Variants in DAPK2 observed in about 807,000 individuals in gnomAD.
The protein encoded by DAPK2 is death associated protein kinase 2.
A neutral mutation model predicts 44.1 loss-of-function variants in DAPK2; 35 were observed. The observed-to-expected ratio is 0.79, with a 90% CI of 0.61 to 1.05. The LOEUF (loss-of-function observed/expected upper bound fraction) is 1.05, where lower values mean the gene tolerates loss of function less well. Among genes scored for constraint, DAPK2 ranks in the 50% least tolerant of loss-of-function variants. DAPK2 has a pLI of 0.00. For synonymous variants in DAPK2, 174 were observed against 182.6 expected, an observed-to-expected ratio of 0.95 and a Z score of 0.38; for missense variants, 453 against 483.2, an observed-to-expected ratio of 0.94 and a Z score of 0.59.
intron 6 of DAPK2, among the ~76,000 whole-genome samples, chr15:63,926,689 G>T (rs2079285371): frequency 6.6e-6 from 1 of 152,280 alleles, no homozygotes; most frequent in East Asian, 1.9e-4. Context: ...TCCTGACTCA[G>T]ATTTCAGTTG....
At chr15:63,967,697 A>G (rs1247331776) in intron 3 of DAPK2, among the ~76,000 whole-genome samples, 3 of 151,772 alleles carry the variant, frequency 2.0e-5, no homozygotes, top group Admixed American at 1.3e-4. Context: ...TCTCAAAAAG[A>G]AAAAAAAATA....
chr15:63,982,828 A>G (rs2140854776), intron 2 of DAPK2, among the ~76,000 whole-genome samples: 1 of 152,298 alleles, frequency 6.6e-6, no homozygotes, highest in African/African-American at 2.4e-5. Flanking sequence ...GGATAATAAG[A>G]GTGTCTGTGT....
Position 63,990,447 on chromosome 15 carries a change from C to T in DAPK2, c.93-6693G>A, listed in dbSNP as rs1006984333. Among the ~76,000 whole-genome samples, 2 of 60,078 alleles carry T rather than the reference C, an allele frequency of 3.3e-5. No individual in the cohort carries two copies. Among genetic ancestry groups the T allele is most frequent in the African/African-American group, 1.0e-4 (2 of 19,444 alleles). The allele number at this position is 60,078 out of a possible 152,430, so 39.4% of individuals were successfully genotyped here. The stretch of plus-strand genomic sequence containing the variant: ...CATCTAGAAAAAGAAAAAGAAAGGT[C>T]CATGGATTGAGTGGGTCTACCTCAT... On this transcript the variant is annotated intron_variant, in intron 1 of 10. Coordinates refer to ENST00000261891, the Ensembl canonical transcript of DAPK2. The surrounding 1 kb of genome is among the most constrained non-coding windows in gnomAD (Gnocchi z 4.3).
intron 1 of DAPK2, among the ~76,000 whole-genome samples, chr15:64,032,953 G>A (rs1467318985): frequency 3.9e-5 from 6 of 152,026 alleles, no homozygotes; most frequent in African/African-American, 7.3e-5. Context: ...GGGCATGATC[G>A]TGCACACCTG....
intron 1 of DAPK2, among the ~76,000 whole-genome samples, chr15:64,005,110 C>A (rs332266): frequency 3.9e-5 from 6 of 152,154 alleles, no homozygotes; most frequent in Middle Eastern, 3.4e-3. Flanking sequence ...CCTCAGGCCC[C>A]CACTTCAGGG....
intron 1 of DAPK2, among the ~76,000 whole-genome samples, chr15:64,032,726 G>A (rs2080051103): frequency 6.6e-6 from 1 of 152,160 alleles, no homozygotes; most frequent in African/African-American, 2.4e-5. Context: ...CAAAACAGGA[G>A]GATTGCTTGA....
intron 1 of DAPK2, among the ~76,000 whole-genome samples, chr15:64,018,684 C>T (rs557219084): frequency 6.5e-4 from 99 of 152,324 alleles, no homozygotes; most frequent in African/African-American, 2.3e-3. Flanking sequence ...GCTAACAAGG[C>T]CAGGATCCTA....
intron 1 of DAPK2, among the ~76,000 whole-genome samples, chr15:64,035,728 C>A (rs1428781679): frequency 6.6e-6 from 1 of 152,234 alleles, no homozygotes; most frequent in African/African-American, 2.4e-5. Context: ...CAATATTTCT[C>A]CAAACACTCC....
intron 1 of DAPK2, among the ~76,000 whole-genome samples, chr15:63,996,534 G>A (rs996657101): frequency 2.0e-5 from 3 of 152,168 alleles, no homozygotes; most frequent in Non-Finnish European, 2.9e-5. Flanking sequence ...GAGGGCATCT[G>A]GCTTTTGATC....
chr15:63,944,189 G>T (rs2077390579), intron 3 of DAPK2, among the ~76,000 whole-genome samples: 2 of 152,156 alleles, frequency 1.3e-5, no homozygotes, highest in Admixed American at 1.3e-4. Flanking sequence ...AGGCTGGAAG[G>T]TGGCCGTGGG....
In DAPK2 at chr15:63,939,652, G is replaced by A. The variant is rs1267667913; in HGVS notation, c.454-291C>T. ...ATCTCCATTCTGTCTCTGAGTGGCA[G>A]ATCCCTTTAATGCAGTGCCTCTGTT... On this transcript the variant is annotated intron_variant, in intron 3 of 10. Transcript: ENST00000261891. The surrounding 1 kb of genome is among the most constrained non-coding windows in gnomAD (Gnocchi z 4.3). Among the ~76,000 whole-genome samples, 1 of 152,206 alleles carries A rather than the reference G, an allele frequency of 6.6e-6. No individual in the cohort carries two copies. Among genetic ancestry groups the A allele is most frequent in the Non-Finnish European group, 1.5e-5 (1 of 68,028 alleles).
In DAPK2 at chr15:63,990,645, G is replaced by A. The variant is rs980819478; in HGVS notation, c.93-6891C>T. ...AATGGGAAGTGTTCCAAAGCAGAGGGTCGCGGAGACTGGCTTCCTCCTCCT... is the reference window on the plus strand; with the variant it reads ...AATGGGAAGTGTTCCAAAGCAGAGGATCGCGGAGACTGGCTTCCTCCTCCT... On this transcript the variant is annotated intron_variant, in intron 1 of 10. Coordinates refer to ENST00000261891, the Ensembl canonical transcript of DAPK2. The surrounding 1 kb of genome is among the most constrained non-coding windows in gnomAD (Gnocchi z 4.3). Among the ~76,000 whole-genome samples, 1 of 152,152 alleles carries A rather than the reference G, an allele frequency of 6.6e-6. No individual in the cohort carries two copies. The highest frequency in any genetic ancestry group is 1.5e-5 in the Non-Finnish European group (1 of 68,014).
intron 2 of DAPK2, 84 bp downstream of exon 3, chr15:63,983,449 C>T: frequency 1.5e-6 from 2 of 1,326,466 alleles, no homozygotes; most frequent in South Asian, 2.5e-5. Flanking sequence ...TGCTGCTGCC[C>T]CCTGGGGCCT....
chr15:63,944,944 C>T (rs1567223536), intron 3 of DAPK2, among the ~76,000 whole-genome samples: 1 of 152,222 alleles, frequency 6.6e-6, no homozygotes, highest in Non-Finnish European at 1.5e-5. Flanking sequence ...CAACTCCATC[C>T]TTTGCTCTGG....
chr15:63,993,082 C>T (rs1234118100), intron 1 of DAPK2, among the ~76,000 whole-genome samples: 1 of 152,170 alleles, frequency 6.6e-6, no homozygotes, highest in African/African-American at 2.4e-5. Context: ...GAATACCTCC[C>T]TCCCCACTTG....
intron 3 of DAPK2, among the ~76,000 whole-genome samples, chr15:63,942,984 A>G (rs2077351884): frequency 6.6e-6 from 1 of 152,106 alleles, no homozygotes; most frequent in African/African-American, 2.4e-5. Context: ...ATGTGCCCCA[A>G]GTGAAGACAG....
chr15:64,013,841 G>A lies in DAPK2; in HGVS notation c.92+26329C>T, dbSNP rs1162391571. On this transcript the variant is annotated intron_variant, in intron 1 of 10. Coordinates refer to ENST00000261891, the Ensembl canonical transcript of DAPK2. The surrounding 1 kb of genome is among the most constrained non-coding windows in gnomAD (Gnocchi z 4.7). ...CCCTGTAAGTGGTCCAGCCTCACAT[G>A]AATAAATCATGATGCCATTATGAGC... is the stretch of plus-strand genomic sequence containing the variant. 2.0e-5 allele frequency among the ~76,000 whole-genome samples: 3 copies of A among 152,208 alleles called. No individual in the cohort carries two copies. The highest frequency in any genetic ancestry group is 7.2e-5 in the African/African-American group (3 of 41,446).
At chr15:63,959,695 G>A (rs2140617443) in intron 3 of DAPK2, among the ~76,000 whole-genome samples, 1 of 152,310 alleles carries the variant, frequency 6.6e-6, no homozygotes, top group South Asian at 2.1e-4. Context: ...TTGCATCCCA[G>A]GGATGAAGCC....
intron 1 of DAPK2, among the ~76,000 whole-genome samples, chr15:64,033,329 A>AGG (rs1158179065): frequency 2.0e-4 from 20 of 99,062 alleles, no homozygotes; most frequent in African/African-American, 6.9e-4. Context: ...AGGAAGGAAA[A>AGG]AAAAAATAGC....
Sources: allele counts gnomAD v4.1 joint callset (sites outside exome capture counted in the v4.1 genomes callset), GRCh38; gene constraint gnomAD v4.1.1; non-coding constraint Gnocchi (gnomAD v3.1); transcripts MANE v1.5; gene names NCBI Gene and HGNC (gene_info 2026-07-23, HGNC 2026-07-21).